AIRIM: variants seen among roughly 807,000 people sequenced by gnomAD.
AIRIM encodes AFG2-interacting ribosome maturation factor.
the AIRIM span, chr1:37,690,240 C>G: frequency 1.6e-5 from 20 of 1,283,030 alleles, no homozygotes; most frequent in African/African-American, 3.0e-5. Context: ...CCGCCTCGGT[C>G]TTCCAAAGTG....
At chr1:37,690,025 T>TG in the AIRIM span, 7 of 1,417,044 alleles carry the variant, frequency 4.9e-6, no homozygotes, top group African/African-American at 2.9e-5. Context: ...GTTTTTTTTT[T>TG]GTTTTTTTTT....
the AIRIM span, chr1:37,682,716 A>G: frequency 6.2e-6 from 1 of 160,494 alleles, no homozygotes; most frequent in Non-Finnish European, 1.4e-5. Context: ...CAAAAGACAC[A>G]AAACCAGGAC....
At chr1:37,688,750 C>T in the AIRIM span, among the ~76,000 whole-genome samples, 1 of 152,068 alleles carries the variant, frequency 6.6e-6, no homozygotes, top group African/African-American at 2.4e-5. Context: ...CCCCTCTGTC[C>T]TCAATAACCT....
the AIRIM span, chr1:37,691,123 A>T: frequency 6.6e-6 from 1 of 152,402 alleles, no homozygotes; most frequent in African/African-American, 2.4e-5. Context: ...CCCACTGCCC[A>T]GGGCTGACCT....
the AIRIM span, among the ~76,000 whole-genome samples, chr1:37,687,842 G>A: frequency 6.6e-6 from 1 of 152,152 alleles, no homozygotes; most frequent in African/African-American, 2.4e-5. Flanking sequence ...CAAAGTGCTG[G>A]GATTACAGGA....
chr1:37,690,575 G>T, the AIRIM span: 1 of 954,314 alleles, frequency 1.0e-6, no homozygotes, highest in African/African-American at 1.7e-5. Flanking sequence ...GGCCTGCCTG[G>T]CTACTGAGTC....
the AIRIM span, chr1:37,690,312 G>GT: frequency 5.4e-6 from 7 of 1,290,928 alleles, no homozygotes; most frequent in Non-Finnish European, 7.1e-6. Context: ...GGAGACCCTG[G>GT]TTTCCCCTCG....
At chr1:37,686,579 T>C in the AIRIM span, 8 of 878,762 alleles carry the variant, frequency 9.1e-6, no homozygotes, top group Non-Finnish European at 1.2e-5. Context: ...CTGTACATTG[T>C]AGGACGTGTA....
At chr1:37,683,108 A>G in the AIRIM span, 1 of 1,611,288 alleles carries the variant, frequency 6.2e-7, no homozygotes, top group African/African-American at 1.3e-5. Context: ...TGGTCTCCAG[A>G]TACGCATAGC....
At chr1:37,685,503 C>T in the AIRIM span, among the ~76,000 whole-genome samples, 1 of 152,038 alleles carries the variant, frequency 6.6e-6, no homozygotes, top group African/African-American at 2.4e-5. Flanking sequence ...GCTTCACCCT[C>T]CCGAGTAGCT....
the AIRIM span, chr1:37,686,473 T>G: frequency 6.2e-7 from 1 of 1,606,610 alleles, no homozygotes; most frequent in Non-Finnish European, 8.5e-7. Context: ...GAGTCTGACA[T>G]TAGGCAATAT....
At chr1:37,683,406 T>G in the AIRIM span, 3 of 1,613,956 alleles carry the variant, frequency 1.9e-6, no homozygotes, top group Non-Finnish European at 2.5e-6. Flanking sequence ...CCCCACTGGA[T>G]AGACGAAAGA....
At chr1:37,690,025 T>TGTTTTTTTTTC in the AIRIM span, 5 of 1,417,176 alleles carry the variant, frequency 3.5e-6, no homozygotes, top group Non-Finnish European at 4.6e-6. Context: ...GTTTTTTTTT[T>TGTTTTTTTTTC]GTTTTTTTTT....
At chr1:37,683,543 T>G in the AIRIM span, 2 of 1,334,596 alleles carry the variant, frequency 1.5e-6, no homozygotes, top group Non-Finnish European at 2.0e-6. Flanking sequence ...AGTGCAGATA[T>G]CCTTACATTT....
At chr1:37,686,158 T>C in the AIRIM span, 1 of 1,018,684 alleles carries the variant, frequency 9.8e-7, no homozygotes, top group Admixed American at 3.0e-5. Flanking sequence ...AGAATCCAAG[T>C]TCAGGAACCA....
chr1:37,689,080 A>C, the AIRIM span, among the ~76,000 whole-genome samples: 2 of 152,118 alleles, frequency 1.3e-5, no homozygotes, highest in Non-Finnish European at 2.9e-5. Context: ...CAGCAGAACA[A>C]AGTGGTGATT....
At chr1:37,686,439 TGAG>T in the AIRIM span, 1 of 1,613,294 alleles carries the variant, frequency 6.2e-7, no homozygotes, top group Non-Finnish European at 8.5e-7. Context: ...TCTCGCACCT[TGAG>T]GAGGATGGCT....
the AIRIM span, chr1:37,681,666 G>A: frequency 6.6e-6 from 1 of 152,110 alleles, no homozygotes; most frequent in Non-Finnish European, 1.5e-5. Flanking sequence ...TCTGGTAGAT[G>A]GATAACGGTA....
At chr1:37,685,730 C>G in the AIRIM span, among the ~76,000 whole-genome samples, 1 of 152,150 alleles carries the variant, frequency 6.6e-6, no homozygotes, top group Admixed American at 6.6e-5. Flanking sequence ...GAAAGTCGAG[C>G]CCCCTGTCTT....
Sources: gnomAD v4.1 joint callset for allele counts (sites outside exome capture counted in the v4.1 genomes callset) on GRCh38, gnomAD v4.1.1 for gene constraint, MANE v1.5 for transcripts, NCBI Gene and HGNC (gene_info 2026-07-23, HGNC 2026-07-21) for gene names.